Variants in MRTFB observed in about 807,000 individuals in gnomAD.
The protein encoded by MRTFB is myocardin related transcription factor B.
In MRTFB, 29 loss-of-function variants were observed where a neutral mutation model predicts 104.2. The observed-to-expected ratio is 0.28, with a 90% confidence interval of 0.21 to 0.38. The LOEUF (loss-of-function observed/expected upper bound fraction) is 0.38. MRTFB is among the 10% of genes least tolerant of loss of function. The pLI is 1.00. For missense variants in MRTFB, 1,270 were observed against 1,341.6 expected (o/e 0.95, Z 0.83); for synonymous variants, 535 against 519.5 (o/e 1.03, Z -0.41).
the MRTFB span, among the ~76,000 whole-genome samples, chr16:14,004,603 T>A: frequency 4.6e-5 from 7 of 152,144 alleles, no homozygotes; most frequent in East Asian, 1.9e-4. Flanking sequence ...CCCTTTCCCA[T>A]TGGCCACAAA....
At chr16:14,221,930 C>T (rs541888584) in intron 8 of MRTFB, among the ~76,000 whole-genome samples, 13 of 151,948 alleles carry the variant, frequency 8.6e-5, no homozygotes, top group South Asian at 6.3e-4. Context: ...TACAGGCACC[C>T]GCCATCATGC....
Position 14,252,296 on chromosome 16 carries a change from C to T in MRTFB, c.2566-69C>T, listed in dbSNP as rs533530710. The T allele has an allele frequency of 2.4e-4, 380 of 1,562,858 alleles. 1 individual carries two copies. The African/African-American group carries it at 4.3e-3, about 18-fold the overall frequency. ...GCCACTACATAGAGAACAGCAGAGC[C>T]GAGTCTAGCCAGGAAAAGAGAGGTT... On this transcript the variant is annotated intron_variant, in intron 14 of 16. Coordinates refer to ENST00000571589, the MANE Select transcript of MRTFB (RefSeq NM_001308142.2).
upstream of MRTFB, among the ~76,000 whole-genome samples, chr16:14,071,023 G>A (rs1365791939): frequency 1.3e-5 from 2 of 152,198 alleles, no homozygotes; most frequent in East Asian, 1.9e-4. Flanking sequence ...TGTCGCCACC[G>A]TCCAAGCCTT....
the MRTFB span, among the ~76,000 whole-genome samples, chr16:14,001,518 A>C: frequency 2.0e-5 from 3 of 152,230 alleles, no homozygotes; most frequent in Non-Finnish European, 2.9e-5. Flanking sequence ...AGGTGGGTCC[A>C]GTCTGCTCAA....
intron 1 of MRTFB, among the ~76,000 whole-genome samples, chr16:14,076,177 G>C (rs1164175616): frequency 6.6e-6 from 1 of 151,274 alleles, no homozygotes; most frequent in East Asian, 1.9e-4. Context: ...TAGTATATAG[G>C]AAACATTTTT....
At chr16:14,229,071 T>C (rs2042143273) in intron 8 of MRTFB, among the ~76,000 whole-genome samples, 1 of 152,218 alleles carries the variant, frequency 6.6e-6, no homozygotes, top group Non-Finnish European at 1.5e-5. Context: ...TTTTGTGTTA[T>C]ATACATTTTA....
At chr16:14,119,408 C>T in intron 2 of MRTFB, among the ~76,000 whole-genome samples, 1 of 152,124 alleles carries the variant, frequency 6.6e-6, no homozygotes, top group East Asian at 1.9e-4. Flanking sequence ...ATAGAGAAAC[C>T]TTTAAGCTGA....
the MRTFB span, among the ~76,000 whole-genome samples, chr16:13,996,955 G>T: frequency 4.5e-3 from 691 of 152,328 alleles, 2 homozygotes; most frequent in African/African-American, 0.016. Context: ...ACAAATGAGG[G>T]TTCCACCTGC....
At chr16:14,075,527 T>G (rs911064488) in intron 1 of MRTFB, among the ~76,000 whole-genome samples, 5 of 152,170 alleles carry the variant, frequency 3.3e-5, no homozygotes, top group African/African-American at 9.7e-5. Flanking sequence ...ATTGCTAGCC[T>G]CCTCCTCCAG....
chr16:14,087,608 G>C (rs985729212), intron 2 of MRTFB, among the ~76,000 whole-genome samples: 1 of 152,206 alleles, frequency 6.6e-6, no homozygotes, highest in African/African-American at 2.4e-5. Flanking sequence ...TCAAGGTGAA[G>C]ATTAAGTGTT....
At chr16:14,120,102 C>T (rs2036766372) in intron 2 of MRTFB, among the ~76,000 whole-genome samples, 1 of 152,114 alleles carries the variant, frequency 6.6e-6, no homozygotes, top group South Asian at 2.1e-4. Context: ...GTTTCCGTTT[C>T]CTCTTTTGGG....
At chr16:14,011,173 C>T in the MRTFB span, among the ~76,000 whole-genome samples, 1 of 152,216 alleles carries the variant, frequency 6.6e-6, no homozygotes, top group Admixed American at 6.5e-5. Flanking sequence ...ATCCCAGGAG[C>T]CCAGGCAATG....
chr16:14,139,274 C>T (rs546672232), intron 2 of MRTFB, among the ~76,000 whole-genome samples: 8 of 152,146 alleles, frequency 5.3e-5, no homozygotes, highest in South Asian at 2.1e-4. Flanking sequence ...AGATACTTAC[C>T]TAAAGAAGAT....
the MRTFB span, among the ~76,000 whole-genome samples, chr16:14,050,308 G>C: frequency 1.3e-5 from 2 of 152,274 alleles, no homozygotes; most frequent in African/African-American, 4.8e-5. Flanking sequence ...TTAAAAGCAA[G>C]CAAGCAAACA....
intron 10 of MRTFB, among the ~76,000 whole-genome samples, chr16:14,241,982 TAATAATAATAATA>T (rs2042790888): frequency 7.5e-6 from 1 of 132,828 alleles, no homozygotes; most frequent in African/African-American, 3.1e-5. Context: ...ATAATAATAA[TAATAATAATAATA>T]ATAATAATAA....
At chr16:14,196,495 TTAA>T (rs1323590828) in intron 3 of MRTFB, among the ~76,000 whole-genome samples, 1 of 152,264 alleles carries the variant, frequency 6.6e-6, no homozygotes, top group Non-Finnish European at 1.5e-5. Context: ...TTCTGTATAC[TTAA>T]TAAGAATGCA....
Position 14,264,203 on chromosome 16 carries a change from TATC to T in MRTFB, c.*2762_*2764del, listed in dbSNP as rs2043870712. Reference sequence around the variant, plus strand: ...TACTGTTGTATATCATATTGTAAAGTATCATACTGCCAAGAAAATAACTCCTAG... The same window carrying T: ...TACTGTTGTATATCATATTGTAAAGTATACTGCCAAGAAAATAACTCCTAG... On this transcript the variant is annotated 3_prime_UTR_variant, in exon 17 of 17. Transcript: ENST00000571589. 1 of 152,218 alleles carries T rather than the reference TATC, an allele frequency of 6.6e-6. No homozygotes were observed. Among genetic ancestry groups the T allele is most frequent in the South Asian group, 2.1e-4 (1 of 4,832 alleles). The allele number at this position is 152,218 out of a possible 1,614,324, so 9.4% of individuals were successfully genotyped here.
At chr16:14,179,924 G>C (rs1022534268) in intron 3 of MRTFB, among the ~76,000 whole-genome samples, 1 of 152,190 alleles carries the variant, frequency 6.6e-6, no homozygotes, top group South Asian at 2.1e-4. Flanking sequence ...ACGCTCAAGT[G>C]CATGATTAGT....
At chr16:14,042,635 G>A in the MRTFB span, among the ~76,000 whole-genome samples, 1 of 152,146 alleles carries the variant, frequency 6.6e-6, no homozygotes, top group Admixed American at 6.5e-5. Flanking sequence ...GGTTCATAAA[G>A]CATGTCCTTC....
Sources: gnomAD v4.1 joint callset for allele counts (sites outside exome capture counted in the v4.1 genomes callset) on GRCh38, gnomAD v4.1.1 for gene constraint, MANE v1.5 for transcripts, NCBI Gene and HGNC (gene_info 2026-07-23, HGNC 2026-07-21) for gene names.